Variants in KLF12 observed in about 807,000 individuals in gnomAD.
The protein encoded by KLF12 is KLF transcription factor 12, also known as Krueppel-like factor 12.
KLF12 carries 9 observed loss-of-function variants against 37.8 expected under a neutral mutation model. The ratio of observed to expected loss-of-function variants is 0.24; its 90% CI spans 0.14 to 0.42. The LOEUF is 0.42. Ranked by LOEUF, KLF12 falls within the 10% of genes least tolerant of loss-of-function variation. The pLI, the probability that KLF12 is intolerant of heterozygous loss-of-function variation, is 1.00. For missense variants in KLF12, 411 were observed against 516.0 expected (o/e 0.80, Z 1.97); for synonymous variants, 208 against 202.1 (o/e 1.03, Z -0.25).
chr13:74,061,611 C>T (rs1873595285), intron 1 of KLF12, among the ~76,000 whole-genome samples: 1 of 152,100 alleles, frequency 6.6e-6, no homozygotes, highest in African/African-American at 2.4e-5. Context: ...CCAATGATGT[C>T]CCAAGTTCTA....
rs1873632097 is a variant in KLF12, at chr13:73,688,542, A to G, written c.*6948T>C. 1 of 152,160 alleles carries G rather than the reference A, an allele frequency of 6.6e-6. No homozygotes were observed. Among genetic ancestry groups the G allele is most frequent in the South Asian group, 2.1e-4 (1 of 4,828 alleles). The allele number at this position is 152,160 out of a possible 1,614,324, so 9.4% of individuals were successfully genotyped here. ...GTATACAAAGAGTTGAGGAACTGAGAAAGTGTACTCAGGCTAAAATGCTAC... is the reference window on the plus strand; with the variant it reads ...GTATACAAAGAGTTGAGGAACTGAGGAAGTGTACTCAGGCTAAAATGCTAC... On this transcript the variant is annotated 3_prime_UTR_variant, in exon 8 of 8. Transcript: ENST00000377669.
intron 6 of KLF12, among the ~76,000 whole-genome samples, chr13:73,723,056 G>C (rs1437488251): frequency 2.6e-5 from 4 of 152,046 alleles, no homozygotes; most frequent in Admixed American, 2.0e-4. Flanking sequence ...ACATATTTCA[G>C]CAAGCAAGAT....
chr13:73,874,553 G>GGA (rs1886616160), intron 3 of KLF12, among the ~76,000 whole-genome samples: 1 of 152,086 alleles, frequency 6.6e-6, no homozygotes, highest in Non-Finnish European at 1.5e-5. Flanking sequence ...ATTCTAAATT[G>GGA]GAATCAATCC....
rs148977257 is a variant in KLF12, at chr13:73,855,296, T to G, written c.124-8923A>C. 2.8e-3 allele frequency among the ~76,000 whole-genome samples: 421 copies of G among 152,270 alleles called. 1 individual carries two copies. Among genetic ancestry groups the G allele is most frequent in the African/African-American group, 9.5e-3 (396 of 41,560 alleles). Reference sequence around the variant, plus strand: ...TATAGTTGCCATCTTGGTGTCCATGTGTACTCAATGTTTAGCTCCCATGTA... The same window carrying G: ...TATAGTTGCCATCTTGGTGTCCATGGGTACTCAATGTTTAGCTCCCATGTA... On this transcript the variant is annotated intron_variant, in intron 3 of 7. Transcript: ENST00000377669.
In KLF12 at chr13:74,102,217, C is replaced by CA. The variant is rs1184465102; in HGVS notation, c.-32+31521dup. Among the ~76,000 whole-genome samples the CA allele has an allele frequency of 3.1e-5, 4 of 127,634 alleles. No individual in the cohort carries two copies. In the Admixed American group the frequency reaches 3.3e-4, roughly 11 times the overall value. The allele number at this position is 127,634 out of a possible 152,430, so 83.7% of individuals were successfully genotyped here. On this transcript the variant is annotated intron_variant, in intron 1 of 7. Transcript: ENST00000377669. ...TGGGTGACAGAGCAAGACTCCATCTCAAAAAAAAGAAAAAAAAAAAAAGAA... is the reference window on the plus strand; with the variant it reads ...TGGGTGACAGAGCAAGACTCCATCTCAAAAAAAAAGAAAAAAAAAAAAAGAA...
the KLF12 span, among the ~76,000 whole-genome samples, chr13:74,264,453 G>C: frequency 1.3e-4 from 20 of 152,188 alleles, no homozygotes; most frequent in Non-Finnish European, 1.8e-4. Context: ...TCTTTGGTGA[G>C]AGTTAAAATA....
At chr13:73,786,512 G>C (rs757935894) in intron 5 of KLF12, among the ~76,000 whole-genome samples, 1 of 151,760 alleles carries the variant, frequency 6.6e-6, no homozygotes, top group Non-Finnish European at 1.5e-5. Context: ...GTTGTTATAG[G>C]GCTTCAGCTT....
At chr13:74,205,275 T>C in the KLF12 span, among the ~76,000 whole-genome samples, 5 of 152,276 alleles carry the variant, frequency 3.3e-5, no homozygotes, top group Admixed American at 6.5e-5. Flanking sequence ...ATAAAACAAA[T>C]GGCAACATTT....
intron 4 of KLF12, among the ~76,000 whole-genome samples, chr13:73,837,522 G>GA (rs924598393): frequency 2.2e-4 from 33 of 151,672 alleles, no homozygotes; most frequent in Non-Finnish European, 3.2e-4. Flanking sequence ...GTATCTGTAG[G>GA]AAAAAAAAGG....
At chr13:73,880,405 T>C (rs1042526389) in intron 3 of KLF12, among the ~76,000 whole-genome samples, 8 of 152,176 alleles carry the variant, frequency 5.3e-5, no homozygotes, top group African/African-American at 1.7e-4. Flanking sequence ...CACATCAGCA[T>C]GGTAAAGTGA....
the KLF12 span, among the ~76,000 whole-genome samples, chr13:74,275,859 TTTCTTTCTA>T: frequency 1.6e-4 from 20 of 123,152 alleles, no homozygotes; most frequent in South Asian, 5.3e-4. Context: ...TCTTTCTTTC[TTTCTTTCTA>T]TCTTTCTTTC....
chr13:73,789,878 G>A (rs995211365), intron 5 of KLF12, among the ~76,000 whole-genome samples: 10 of 151,946 alleles, frequency 6.6e-5, no homozygotes, highest in Non-Finnish European at 1.2e-4. Flanking sequence ...GGGTTTCACC[G>A]TGTTAGCCAG....
intron 1 of KLF12, among the ~76,000 whole-genome samples, chr13:74,092,082 G>A (rs940706811): frequency 2.0e-5 from 3 of 151,512 alleles, no homozygotes; most frequent in Admixed American, 2.0e-4. Flanking sequence ...GAGGTCAAGA[G>A]ATCGAGACCA....
intron 2 of KLF12, among the ~76,000 whole-genome samples, chr13:73,972,118 G>A (rs1400557061): frequency 6.6e-6 from 1 of 150,954 alleles, no homozygotes; most frequent in Non-Finnish European, 1.5e-5. Flanking sequence ...GAAATGCTTT[G>A]AGTAAAGGGA....
At chr13:74,036,047 C>T (rs1893237178) in intron 1 of KLF12, among the ~76,000 whole-genome samples, 1 of 152,166 alleles carries the variant, frequency 6.6e-6, no homozygotes, top group African/African-American at 2.4e-5. Context: ...GCCACGGCCA[C>T]ATCCCCAGCT....
chr13:74,034,812 G>A (rs1350305799), intron 1 of KLF12, among the ~76,000 whole-genome samples: 1 of 152,224 alleles, frequency 6.6e-6, no homozygotes, highest in African/African-American at 2.4e-5. Flanking sequence ...TGCTATAGAA[G>A]AGGATTTGTC....
chr13:73,881,832 G>A lies in KLF12; in HGVS notation c.124-35459C>T, dbSNP rs1302813933. On this transcript the variant is annotated intron_variant, in intron 3 of 7. Transcript: ENST00000377669. ...AATCCTGGTCCTAGCACAAGATCAT[G>A]AATGCTCTTCCTCAATTTTTTACTT... Among the ~76,000 whole-genome samples the A allele has an allele frequency of 3.6e-4, 54 of 152,098 alleles. 1 individual carries two copies. The highest frequency in any genetic ancestry group is 3.5e-3 in the Admixed American group (54 of 15,272).
chr13:73,751,520 G>C (rs1878754897), intron 6 of KLF12, among the ~76,000 whole-genome samples: 1 of 152,224 alleles, frequency 6.6e-6, no homozygotes. Flanking sequence ...GGGTGAGGAA[G>C]AGCCAACACT....
At chr13:73,759,477 C>T (rs891398327) in intron 6 of KLF12, among the ~76,000 whole-genome samples, 4 of 152,134 alleles carry the variant, frequency 2.6e-5, no homozygotes, top group African/African-American at 9.7e-5. Flanking sequence ...TGAGGAGCAA[C>T]GTCTTCATTA....
Sources: gnomAD v4.1 joint callset for allele counts (sites outside exome capture counted in the v4.1 genomes callset) on GRCh38, gnomAD v4.1.1 for gene constraint, MANE v1.5 for transcripts, NCBI Gene and HGNC (gene_info 2026-07-23, HGNC 2026-07-21) for gene names.